The following ASB15 variants were observed in gnomAD, a reference collection of about 807,000 sequenced individuals.
ASB15 encodes ankyrin repeat and SOCS box containing 15.
ASB15 carries 54 observed loss-of-function variants against 58.0 expected under a neutral mutation model. The observed-to-expected ratio is 0.93, with a 90% confidence interval of 0.75 to 1.17. The LOEUF (loss-of-function observed/expected upper bound fraction) is 1.17, where lower values mean the gene tolerates loss of function less well. ASB15 is among the 50% of genes most tolerant of loss of function. The pLI, the probability that ASB15 is intolerant of heterozygous loss-of-function variation, is 0.00. For synonymous variants in ASB15, 249 were observed against 262.4 expected, an observed-to-expected ratio of 0.95 and a Z score of 0.50; for missense variants, 680 against 707.4, an observed-to-expected ratio of 0.96 and a Z score of 0.44.
chr7:123,636,634 G>A (rs1278727117), intron 11 of ASB15, among the ~76,000 whole-genome samples, 175 bp from the exon 12 acceptor site: 1 of 152,244 alleles, frequency 6.6e-6, no homozygotes, highest in East Asian at 1.9e-4. Flanking sequence ...ACATTCTAGA[G>A]GAGTAGACTA....
chr7:123,623,181 C>T (rs1336015396), intron 7 of ASB15: 1 of 152,164 alleles, frequency 6.6e-6, no homozygotes, highest in Non-Finnish European at 1.5e-5. Flanking sequence ...CAGTGCATAA[C>T]ACAGAGCCTT....
chr7:123,624,999 G>A, intron 8 of ASB15, 185 bp downstream of exon 8: 2 of 665,660 alleles, frequency 3.0e-6, no homozygotes, highest in Non-Finnish European at 2.5e-6. Context: ...ACTCAGCTAA[G>A]CCCTATACAT....
At chr7:123,573,202 A>AATTTT (rs1047477767) in intron 1 of ASB15, among the ~76,000 whole-genome samples, 5 of 151,492 alleles carry the variant, frequency 3.3e-5, no homozygotes, top group African/African-American at 1.2e-4. Flanking sequence ...AGAGTTAGTT[A>AATTTT]ATTTTATTTT....
rs1400026550 is a variant in ASB15 at position 123,593,983 on chromosome 7, CA to C, written c.-442-10048del. Reference sequence around the variant, plus strand: ...CTTGGAGGCTTTGTTCATTTCTTTTCACTCTTTTTTCTCTAATCTTGTCTTC... The same window carrying C: ...CTTGGAGGCTTTGTTCATTTCTTTTCCTCTTTTTTCTCTAATCTTGTCTTC... On this transcript the variant is annotated intron_variant, in intron 1 of 13. Coordinates refer to the ASB15 transcript ENST00000451558. Among the ~76,000 whole-genome samples the C allele has an allele frequency of 3.9e-5, 6 of 152,066 alleles. No homozygotes were observed. In the East Asian group the frequency reaches 1.2e-3, roughly 29 times the overall value.
intron 3 of ASB15, among the ~76,000 whole-genome samples, chr7:123,613,941 G>A (rs1204311737): frequency 6.6e-6 from 1 of 152,088 alleles, no homozygotes; most frequent in African/African-American, 2.4e-5. Context: ...AGCTACTCAG[G>A]AGGCTGAGGA....
At chr7:123,578,942 A>G (rs1252100885) in intron 1 of ASB15, among the ~76,000 whole-genome samples, 1 of 152,038 alleles carries the variant, frequency 6.6e-6, no homozygotes, top group Admixed American at 6.6e-5. Context: ...GGTGGTACAT[A>G]TGCAGGTTTG....
chr7:123,589,301 T>TTTATTATTATTATTA (rs35194530), intron 1 of ASB15, among the ~76,000 whole-genome samples: 27 of 147,482 alleles, frequency 1.8e-4, no homozygotes, highest in African/African-American at 6.4e-4. Context: ...CTTTCATCTC[T>TTTATTATTATTATTA]TTATTATTAT....
chr7:123,600,687 T>C (rs1450365262), upstream of ASB15, among the ~76,000 whole-genome samples: 1 of 152,200 alleles, frequency 6.6e-6, no homozygotes, highest in Non-Finnish European at 1.5e-5. Flanking sequence ...AAAATACTTC[T>C]CAGTTTGCTT....
intron 1 of ASB15, among the ~76,000 whole-genome samples, chr7:123,589,096 C>G (rs1342995449): frequency 1.3e-5 from 2 of 151,648 alleles, no homozygotes; most frequent in Non-Finnish European, 2.9e-5. Context: ...TATTTCCTTG[C>G]TGGTTTTCCT....
intron 1 of ASB15, among the ~76,000 whole-genome samples, chr7:123,575,846 C>A (rs1799049790): frequency 6.8e-6 from 1 of 146,308 alleles, no homozygotes; most frequent in African/African-American, 2.5e-5. Context: ...TCCACTGACA[C>A]TCCTAGACTA....
In ASB15 at chr7:123,605,604, T is replaced by C. The variant is rs190357158; in HGVS notation, c.-64+1392T>C. Among the ~76,000 whole-genome samples the C allele has an allele frequency of 8.5e-5, 13 of 152,226 alleles. No homozygotes were observed. The South Asian group carries it at 2.3e-3, about 27-fold the overall frequency. ...ACATGGAATCAACCTAAATGCACAA[T>C]GACAGTAGACTGGATAAAGATAATG... is the stretch of plus-strand genomic sequence containing the variant. On this transcript the variant is annotated intron_variant, in intron 2 of 11. Transcript: ENST00000451215.
At chr7:123,582,015 T>C (rs1382882637) in intron 1 of ASB15, among the ~76,000 whole-genome samples, 1 of 152,042 alleles carries the variant, frequency 6.6e-6, no homozygotes, top group African/African-American at 2.4e-5. Context: ...TCCATTTCCA[T>C]TTGTGAATAG....
intron 2 of ASB15, among the ~76,000 whole-genome samples, chr7:123,604,490 G>A (rs1439594688): frequency 6.6e-6 from 1 of 151,836 alleles, no homozygotes; most frequent in African/African-American, 2.4e-5. Context: ...GCTGGGGCAG[G>A]AGAATCACTT....
chr7:123,591,772 T>C (rs968187493), intron 1 of ASB15, among the ~76,000 whole-genome samples: 1 of 152,206 alleles, frequency 6.6e-6, no homozygotes, highest in Non-Finnish European at 1.5e-5. Flanking sequence ...TTTTATATAG[T>C]GTCTCTGCCA....
chr7:123,629,857 A>T, intron 10 of ASB15, 109 bp from the exon 11 acceptor site: 2 of 817,316 alleles, frequency 2.4e-6, no homozygotes, highest in Admixed American at 2.7e-5. Flanking sequence ...ACAAGGAGAG[A>T]TCTTTTATTT....
chr7:123,636,423 C>CAT (rs1802430145), intron 11 of ASB15, among the ~76,000 whole-genome samples: 1 of 152,090 alleles, frequency 6.6e-6, no homozygotes. Flanking sequence ...ATTTATCAGA[C>CAT]AGATTGGTAG....
chr7:123,599,397 G>T (rs1170796920), upstream of ASB15, among the ~76,000 whole-genome samples: 1 of 152,210 alleles, frequency 6.6e-6, no homozygotes, highest in African/African-American at 2.4e-5. Context: ...GAATGGGCTG[G>T]ATCAGAAAGG....
At chr7:123,625,709 A>C (rs1801728294) in intron 8 of ASB15, among the ~76,000 whole-genome samples, 1 of 152,170 alleles carries the variant, frequency 6.6e-6, no homozygotes, top group South Asian at 2.1e-4. Flanking sequence ...ACCATGAGTT[A>C]AGGAGACCTG....
At chr7:123,628,702 G>C (rs752604616) in intron 9 of ASB15, among the ~76,000 whole-genome samples, 162 bp from the exon 10 acceptor site, 1 of 152,146 alleles carries the variant, frequency 6.6e-6, no homozygotes, top group Non-Finnish European at 1.5e-5. Flanking sequence ...AAACTAAATA[G>C]TTGTACCTCG....
Sources: gnomAD v4.1 joint callset for allele counts (sites outside exome capture counted in the v4.1 genomes callset) on GRCh38, gnomAD v4.1.1 for gene constraint, MANE v1.5 for transcripts, NCBI Gene and HGNC (gene_info 2026-07-23, HGNC 2026-07-21) for gene names.